Variants in DDX4 observed in about 807,000 individuals in gnomAD.
The protein encoded by DDX4 is probable ATP-dependent RNA helicase DDX4.
A neutral mutation model predicts 100.0 loss-of-function variants in DDX4; 25 were observed. The ratio of observed to expected loss-of-function variants is 0.25; its 90% CI spans 0.18 to 0.35. The LOEUF is 0.35. Ranked by LOEUF, DDX4 falls within the 10% of genes least tolerant of loss-of-function variation. The pLI is 1.00. For synonymous variants in DDX4, 259 were observed against 275.7 expected (o/e 0.94, Z 0.60); for missense variants, 635 against 882.4 (o/e 0.72, Z 3.55).
At chr5:55,742,562 C>T (rs1026609580) in intron 2 of DDX4, among the ~76,000 whole-genome samples, 11 of 152,266 alleles carry the variant, frequency 7.2e-5, no homozygotes, top group African/African-American at 2.2e-4. Flanking sequence ...ATGTGTTCAT[C>T]AAAATGCAAA....
At chr5:55,808,725 C>G (rs1743915086) in intron 18 of DDX4, among the ~76,000 whole-genome samples, 1 of 152,220 alleles carries the variant, frequency 6.6e-6, no homozygotes, top group Admixed American at 6.5e-5. Context: ...CAGTCTGCCC[C>G]TACTGGGGGT....
intron 21 of DDX4, among the ~76,000 whole-genome samples, chr5:55,815,864 C>T (rs1489152729): frequency 2.0e-5 from 3 of 150,552 alleles, no homozygotes; most frequent in Admixed American, 6.6e-5. Context: ...CTCCGCCTCC[C>T]AGGTTCAAAC....
chr5:55,791,833 T>A (rs1421275117), intron 16 of DDX4, among the ~76,000 whole-genome samples: 2 of 152,254 alleles, frequency 1.3e-5, no homozygotes, highest in African/African-American at 4.8e-5. Context: ...GCAGATAGGC[T>A]GGGTGCAGTG....
At chr5:55,802,149 C>T (rs1472813188) in intron 18 of DDX4, among the ~76,000 whole-genome samples, 2 of 152,154 alleles carry the variant, frequency 1.3e-5, no homozygotes, top group African/African-American at 4.8e-5. Flanking sequence ...GGACAGGTAA[C>T]TTGTCCACTT....
chr5:55,804,414 T>C (rs1264018204), intron 18 of DDX4, among the ~76,000 whole-genome samples: 4 of 152,172 alleles, frequency 2.6e-5, no homozygotes, highest in African/African-American at 9.7e-5. Context: ...ATGTCCTGAA[T>C]GGTAATGCCT....
At chr5:55,763,960 TATC>T in intron 5 of DDX4, 51 bp from the exon 6 acceptor site, 3 of 1,271,546 alleles carry the variant, frequency 2.4e-6, no homozygotes, top group Admixed American at 1.7e-5. Context: ...CCTGTGTGGT[TATC>T]ATTTTTACCA....
intron 18 of DDX4, among the ~76,000 whole-genome samples, chr5:55,805,143 A>G (rs1743610037): frequency 6.6e-6 from 1 of 151,712 alleles, no homozygotes; most frequent in African/African-American, 2.4e-5. Context: ...TTGGTGTATA[A>G]GAATGCTTGT....
At chr5:55,770,865 C>T (rs781221470) in intron 7 of DDX4, among the ~76,000 whole-genome samples, 16 of 152,098 alleles carry the variant, frequency 1.1e-4, no homozygotes, top group Non-Finnish European at 2.4e-4. Context: ...AAACATAGCT[C>T]ATATTTGAAA....
intron 2 of DDX4, among the ~76,000 whole-genome samples, chr5:55,740,875 A>G (rs1035380756): frequency 3.3e-5 from 5 of 152,050 alleles, no homozygotes; most frequent in Admixed American, 2.6e-4. Flanking sequence ...TAACTATTCC[A>G]TATTACAACT....
At chr5:55,753,035 G>GT (rs933117415) in intron 3 of DDX4, among the ~76,000 whole-genome samples, 142 of 151,726 alleles carry the variant, frequency 9.4e-4, no homozygotes, top group South Asian at 8.0e-3. Flanking sequence ...GGGATTGTTT[G>GT]TTTTTTTCTT....
rs149357232 is a variant in DDX4, at chr5:55,813,962, C to T, written c.1715+190C>T. Among the ~76,000 whole-genome samples, 555 of 152,162 alleles carry T rather than the reference C, an allele frequency of 3.6e-3. 1 individual carries two copies. The highest frequency in any genetic ancestry group is 0.013 in the African/African-American group (524 of 41,528). On this transcript the variant is annotated intron_variant, in intron 19 of 21. Transcript: ENST00000505374. The stretch of plus-strand genomic sequence containing the variant: ...GGAGTACTAAACTATTATTTTTCAT[C>T]CTCATTCTTAGTTTTTAGAACTAAG...
At chr5:55,780,199 TCAC>T in intron 8 of DDX4, 134 bp downstream of exon 8, 1 of 1,350,130 alleles carries the variant, frequency 7.4e-7, no homozygotes, top group Non-Finnish European at 9.9e-7. Flanking sequence ...TACACATTAA[TCAC>T]CACATTGTAT....
At position 55,798,457 on chromosome 5, in the gene DDX4, C is replaced by T. The variant is rs750440605; in HGVS notation, c.1501C>T (p.Leu501=). The change falls in exon 18 of 22, where the codon CTG becomes TTG. Residue 501 remains leucine (L), a synonymous_variant. Coordinates refer to ENST00000505374, the MANE Select transcript of DDX4 (RefSeq NM_024415.3). ...TGCAGAGTTTTTAAAGTCAAATTAT[C>T]TGTTTGTTGCTGTTGGACAAGTGGG... ...LAAEFLKSNY[L]FVAVGQVGGA... is the part of the protein sequence containing the mutation. 3.1e-6 allele frequency: 5 copies of T among 1,611,596 alleles called. No homozygotes were observed. Among genetic ancestry groups the T allele is most frequent in the Non-Finnish European group, 4.2e-6 (5 of 1,178,822 alleles).
At chr5:55,790,466 A>C (rs952792030) in intron 15 of DDX4, 110 bp from the exon 16 acceptor site, 14 of 760,936 alleles carry the variant, frequency 1.8e-5, no homozygotes, top group Non-Finnish European at 2.8e-5. Context: ...ATTTTTTTAG[A>C]TAGTTGAATG....
intron 7 of DDX4, among the ~76,000 whole-genome samples, chr5:55,778,702 T>C (rs949105694): frequency 5.3e-5 from 8 of 152,178 alleles, no homozygotes; most frequent in Admixed American, 4.6e-4. Flanking sequence ...CAGACCAGCC[T>C]GGCCAACATG....
chr5:55,763,972 C>T (rs1740731049), intron 5 of DDX4, 42 bp from the exon 6 acceptor site: 2 of 1,417,230 alleles, frequency 1.4e-6, no homozygotes, highest in East Asian at 2.3e-5. Context: ...TCATTTTTAC[C>T]ACAGAGGTAC....
intron 7 of DDX4, among the ~76,000 whole-genome samples, chr5:55,774,071 GATTT>G (rs1281756375): frequency 6.6e-6 from 1 of 151,784 alleles, no homozygotes; most frequent in African/African-American, 2.4e-5. Flanking sequence ...TATGTTCTAA[GATTT>G]ATTTATATAT....
chr5:55,795,841 A>G (rs1284586162), intron 17 of DDX4, among the ~76,000 whole-genome samples: 1 of 152,214 alleles, frequency 6.6e-6, no homozygotes, highest in East Asian at 1.9e-4. Flanking sequence ...ATGTAGATAT[A>G]AAAGGAAGTT....
intron 17 of DDX4, among the ~76,000 whole-genome samples, chr5:55,795,603 C>T (rs1397643121): frequency 1.3e-5 from 2 of 152,134 alleles, no homozygotes; most frequent in Non-Finnish European, 2.9e-5. Context: ...GACCCTGTCT[C>T]TATAAAAAAC....
Sources: gnomAD v4.1 joint callset for allele counts (sites outside exome capture counted in the v4.1 genomes callset) on GRCh38, gnomAD v4.1.1 for gene constraint, MANE v1.5 for transcripts, NCBI Gene and HGNC (gene_info 2026-07-23, HGNC 2026-07-21) for gene names.